SLC25A12: variants seen among roughly 807,000 people sequenced by gnomAD.
The protein encoded by SLC25A12 is electrogenic aspartate/glutamate antiporter SLC25A12, mitochondrial.
Under a neutral mutation model 83.3 loss-of-function variants are expected in SLC25A12, and 32 were observed. The ratio of observed to expected loss-of-function variants is 0.38; its 90% CI spans 0.29 to 0.52. The LOEUF (loss-of-function observed/expected upper bound fraction) is 0.52, where lower values mean the gene tolerates loss of function less well. Among genes scored for constraint, SLC25A12 ranks in the 20% least tolerant of loss-of-function variants. The pLI is 0.84. For synonymous variants in SLC25A12, 267 were observed against 291.1 expected, an observed-to-expected ratio of 0.92 and a Z score of 0.84; for missense variants, 611 against 835.6, an observed-to-expected ratio of 0.73 and a Z score of 3.31.
At position 171,836,607 on chromosome 2, in the gene SLC25A12, C is replaced by T. The variant is rs918356766; in HGVS notation, c.612+514G>A. On this transcript the variant is annotated intron_variant, in intron 6 of 17. Transcript: ENST00000422440. ...TCTGCCATGGGCATGGTTATTAAAA[C>T]ACTGCAGAAGCCAGTGATGATCCCT... is the stretch of plus-strand genomic sequence containing the variant. 3.9e-5 allele frequency among the ~76,000 whole-genome samples: 6 copies of T among 152,170 alleles called. No homozygotes were observed. In the East Asian group the frequency reaches 1.2e-3, roughly 29 times the overall value.
intron 8 of SLC25A12, among the ~76,000 whole-genome samples, chr2:171,828,958 G>T (rs1684375082): frequency 6.6e-6 from 1 of 152,336 alleles, no homozygotes; most frequent in South Asian, 2.1e-4. Context: ...CACCCCTGAG[G>T]ACCCCAATCA....
intron 5 of SLC25A12, 119 bp downstream of exon 5, chr2:171,844,249 TA>T (rs2105895349): frequency 9.3e-7 from 1 of 1,076,384 alleles, no homozygotes; most frequent in Non-Finnish European, 1.4e-6. Flanking sequence ...GGGGGAAATT[TA>T]AAAAATAGGA....
intron 3 of SLC25A12, 86 bp from the exon 4 acceptor site, chr2:171,856,035 C>T: frequency 1.0e-5 from 8 of 796,660 alleles, no homozygotes; most frequent in Middle Eastern, 2.3e-4. Flanking sequence ...TAAACTGTAG[C>T]TCAGGGTAAC....
At chr2:171,879,790 G>A (rs1235246269) in intron 2 of SLC25A12, among the ~76,000 whole-genome samples, 2 of 152,150 alleles carry the variant, frequency 1.3e-5, no homozygotes, top group Non-Finnish European at 2.9e-5. Flanking sequence ...GATAAGCCTT[G>A]ATTAAATACC....
chr2:171,890,491 G>A (rs943319230), intron 2 of SLC25A12, among the ~76,000 whole-genome samples: 4 of 152,012 alleles, frequency 2.6e-5, no homozygotes, highest in African/African-American at 9.7e-5. Flanking sequence ...GTGTGTGTGT[G>A]TGTGTGTGTG....
At chr2:171,823,483 A>G (rs1398104138) in intron 9 of SLC25A12, among the ~76,000 whole-genome samples, 1 of 152,218 alleles carries the variant, frequency 6.6e-6, no homozygotes, top group Non-Finnish European at 1.5e-5. Context: ...TGAATCCTTA[A>G]CCTTCACAAA....
chr2:171,866,443 C>T (rs1247367787), intron 3 of SLC25A12, among the ~76,000 whole-genome samples: 59 of 105,200 alleles, frequency 5.6e-4, no homozygotes, highest in Admixed American at 1.0e-3. Context: ...CCGGACGGGG[C>T]GGCTGGCCGG....
At chr2:171,854,586 A>C (rs931703004) in intron 4 of SLC25A12, among the ~76,000 whole-genome samples, 22 of 152,140 alleles carry the variant, frequency 1.4e-4, no homozygotes, top group Admixed American at 6.6e-5. Context: ...CAAAACAAAA[A>C]ACTCTGCATA....
chr2:171,841,501 T>C (rs1055086049), intron 5 of SLC25A12, among the ~76,000 whole-genome samples: 2 of 152,098 alleles, frequency 1.3e-5, no homozygotes, highest in African/African-American at 4.8e-5. Flanking sequence ...ACCTCCTGAG[T>C]AGCTGGGACT....
At chr2:171,860,607 AAAC>A (rs969378569) in intron 3 of SLC25A12, among the ~76,000 whole-genome samples, 27 of 152,218 alleles carry the variant, frequency 1.8e-4, no homozygotes, top group African/African-American at 5.1e-4. Flanking sequence ...GTCTCACAAC[AAAC>A]AACAACAACA....
At position 171,866,732 on chromosome 2, in the gene SLC25A12, C is replaced by T. The variant is rs537383601; in HGVS notation, c.209+1949G>A. Among the ~76,000 whole-genome samples, 92 of 136,620 alleles carry T rather than the reference C, an allele frequency of 6.7e-4. 2 individuals carry two copies. The highest frequency in any genetic ancestry group is 2.5e-3 in the African/African-American group (90 of 36,320). The allele number at this position is 136,620 out of a possible 152,430, so 89.6% of individuals were successfully genotyped here. On this transcript the variant is annotated intron_variant, in intron 3 of 17. Coordinates refer to ENST00000422440, the MANE Select transcript of SLC25A12 (RefSeq NM_003705.5). ...GCAGCCGGGCAGAGGCGCCCCTCACCTCCCGGATGGGGCGGCTGGCCGGGT... is the reference window on the plus strand; with the variant it reads ...GCAGCCGGGCAGAGGCGCCCCTCACTTCCCGGATGGGGCGGCTGGCCGGGT...
In SLC25A12 at chr2:171,787,680, G is replaced by T; in HGVS notation, c.1745-19C>A. On this transcript the variant is annotated intron_variant, in intron 16 of 17. Coordinates refer to ENST00000422440, the MANE Select transcript of SLC25A12 (RefSeq NM_003705.5). ...ACTCGAGCTGAAAAAGAGAAGCAGG[G>T]GCAGGGGAGACTTGAAACCAGGACA... 6.2e-7 allele frequency: 1 copy of T among 1,611,864 alleles called. No individual in the cohort carries two copies. The highest frequency in any genetic ancestry group is 1.1e-5 in the South Asian group (1 of 91,046).
rs1690503962 is a variant in SLC25A12 at position 171,787,159 on chromosome 2, A to ATAAAAAAGTACAAAAAT, written c.1835+395_1835+411dup. Among the ~76,000 whole-genome samples, 5 of 152,174 alleles carry ATAAAAAAGTACAAAAAT rather than the reference A, an allele frequency of 3.3e-5. No individual in the cohort carries two copies. The South Asian group carries it at 1.0e-3, about 32-fold the overall frequency. On this transcript the variant is annotated intron_variant, in intron 17 of 17. Transcript: ENST00000422440. Reference sequence around the variant, plus strand: ...GGCAACACAGTGAGATCCCATCTCTATAAAAAAGTACAAAAATTAGCTGGG... The same window carrying ATAAAAAAGTACAAAAAT: ...GGCAACACAGTGAGATCCCATCTCTATAAAAAAGTACAAAAATTAAAAAAGTACAAAAATTAGCTGGG...
intron 2 of SLC25A12, among the ~76,000 whole-genome samples, chr2:171,869,967 G>A (rs937595668): frequency 6.6e-6 from 1 of 152,164 alleles, no homozygotes; most frequent in African/African-American, 2.4e-5. Flanking sequence ...CAACAGTCCT[G>A]CTTTTTTTTC....
At chr2:171,831,817 T>G (rs1684437610) in intron 8 of SLC25A12, among the ~76,000 whole-genome samples, 1 of 151,596 alleles carries the variant, frequency 6.6e-6, no homozygotes, top group Non-Finnish European at 1.5e-5. Context: ...AAGAATCGCT[T>G]GAACCCAGGA....
At chr2:171,843,981 T>A (rs1684739084) in intron 5 of SLC25A12, among the ~76,000 whole-genome samples, 1 of 152,016 alleles carries the variant, frequency 6.6e-6, no homozygotes, top group Non-Finnish European at 1.5e-5. Flanking sequence ...GAGATGGGGT[T>A]TCACCATGTT....
intron 17 of SLC25A12, among the ~76,000 whole-genome samples, chr2:171,786,790 CA>C (rs1690497559): frequency 6.6e-6 from 1 of 152,192 alleles, no homozygotes; most frequent in Admixed American, 6.5e-5. Context: ...AATCTCTCTT[CA>C]AACCTATTGG....
intron 13 of SLC25A12, among the ~76,000 whole-genome samples, chr2:171,807,836 C>T (rs549256113): frequency 1.3e-4 from 20 of 152,158 alleles, no homozygotes; most frequent in African/African-American, 4.3e-4. Context: ...TGTGCTGGGG[C>T]ATGCATACAG....
intron 2 of SLC25A12, among the ~76,000 whole-genome samples, chr2:171,876,064 CAA>C (rs1219415545): frequency 6.6e-6 from 1 of 152,152 alleles, no homozygotes; most frequent in East Asian, 1.9e-4. Flanking sequence ...GCACAAACCA[CAA>C]AGGACACAGC....
Sources: gnomAD v4.1 joint callset for allele counts (sites outside exome capture counted in the v4.1 genomes callset) on GRCh38, gnomAD v4.1.1 for gene constraint, MANE v1.5 for transcripts, NCBI Gene and HGNC (gene_info 2026-07-23, HGNC 2026-07-21) for gene names.